The following KAZN variants were observed in gnomAD, a reference collection of about 807,000 sequenced individuals.
KAZN encodes the protein kazrin, periplakin interacting protein.
In KAZN, 40 loss-of-function variants were observed where a neutral mutation model predicts 87.4. The ratio of observed to expected loss-of-function variants is 0.46; its 90% CI spans 0.36 to 0.60. KAZN has a LOEUF of 0.60. Among genes scored for constraint, KAZN ranks in the 20% least tolerant of loss-of-function variants. The pLI is 0.00. For missense variants in KAZN, 898 were observed against 1,073.9 expected, an observed-to-expected ratio of 0.84 and a Z score of 2.29; for synonymous variants, 466 against 458.3, an observed-to-expected ratio of 1.02 and a Z score of -0.22.
At chr1:14,356,809 T>A (rs563579882) in intron 2 of KAZN, among the ~76,000 whole-genome samples, 1 of 152,322 alleles carries the variant, frequency 6.6e-6, no homozygotes, top group Non-Finnish European at 1.5e-5. Context: ...ACTGGTACCA[T>A]GCTGTTTTGG....
chr1:14,675,495 C>T (rs1173608464), intron 1 of KAZN, among the ~76,000 whole-genome samples: 1 of 152,176 alleles, frequency 6.6e-6, no homozygotes, highest in Non-Finnish European at 1.5e-5. Flanking sequence ...ATGCCTGTGT[C>T]CTCAGTGCCT....
In KAZN at chr1:15,077,648, G is replaced by A. The variant is rs1406977458; in HGVS notation, c.1222+11895G>A. 6.6e-6 allele frequency among the ~76,000 whole-genome samples: 1 copy of A among 152,226 alleles called. No individual in the cohort carries two copies. Among genetic ancestry groups the A allele is most frequent in the Non-Finnish European group, 1.5e-5 (1 of 68,040 alleles). On this transcript the variant is annotated intron_variant, in intron 8 of 14. Coordinates refer to ENST00000376030, the MANE Select transcript of KAZN (RefSeq NM_201628.3). This position sits in a 1 kb window ranked among gnomAD's most constrained non-coding sequence, Gnocchi z 4.8. Reference sequence around the variant, plus strand: ...TCACTACCGGAGTCTCTGGGACTCAGAGATGGGGGTTGGGGGTTTCACCTT... The same window carrying A: ...TCACTACCGGAGTCTCTGGGACTCAAAGATGGGGGTTGGGGGTTTCACCTT...
intron 2 of KAZN, among the ~76,000 whole-genome samples, chr1:15,022,631 T>C (rs1248862647): frequency 6.6e-6 from 1 of 152,098 alleles, no homozygotes; most frequent in Non-Finnish European, 1.5e-5. Context: ...GCTGGACTTG[T>C]GATCAGTTGC....
chr1:14,780,395 T>C (rs998112792), intron 1 of KAZN, among the ~76,000 whole-genome samples: 9 of 152,202 alleles, frequency 5.9e-5, no homozygotes, highest in African/African-American at 2.2e-4. Flanking sequence ...GTGGAGGAGC[T>C]AGTTTGTGGG....
chr1:14,186,756 A>G (rs1570966432), intron 2 of KAZN, among the ~76,000 whole-genome samples: 1 of 152,144 alleles, frequency 6.6e-6, no homozygotes, highest in East Asian at 1.9e-4. Context: ...GATGGAGGCA[A>G]TAATTAATTT....
rs1672087036 is a variant in KAZN, at chr1:15,034,771, C to T, written c.441C>T (p.Arg147=). Residue 147 remains arginine, a synonymous_variant, in exon 3 of 15, where the codon CGC becomes CGT. Transcript: ENST00000376030. ...CAGCCATGAAAGCTGATCGGAAGCG[C>T]TTAAAGGGCGAGAAGACAGACCTGG... ...ALQAMKADRK[R]LKGEKTDLVS... 2 of 1,614,164 alleles carry T rather than the reference C, an allele frequency of 1.2e-6. No homozygotes were observed. The highest frequency in any genetic ancestry group is 2.2e-5 in the East Asian group (1 of 44,886).
Position 14,831,339 on chromosome 1 carries a change from T to TCTGCTG in KAZN, c.227-129327_227-129322dup, listed in dbSNP as rs565802471. ...GAGAATTCCTGGCAATCCCAGTTCCTCTGCTGCTGCTGCTGCTGCTGCTTC... is the reference window on the plus strand; with the variant it reads ...GAGAATTCCTGGCAATCCCAGTTCCTCTGCTGCTGCTGCTGCTGCTGCTGCTGCTTC... On this transcript the variant is annotated intron_variant, in intron 1 of 14. Coordinates refer to ENST00000376030, the MANE Select transcript of KAZN (RefSeq NM_201628.3). Among the ~76,000 whole-genome samples the TCTGCTG allele has an allele frequency of 3.5e-3, 528 of 152,188 alleles. 4 individuals carry two copies. The highest frequency in any genetic ancestry group is 0.021 in the South Asian group (99 of 4,816).
intron 2 of KAZN, among the ~76,000 whole-genome samples, chr1:14,335,328 G>A (rs976503217): frequency 8.6e-5 from 13 of 151,366 alleles, no homozygotes; most frequent in Non-Finnish European, 1.9e-4. Context: ...TCAGCCTCCC[G>A]AGTAGCTGGG....
intron 1 of KAZN, among the ~76,000 whole-genome samples, chr1:13,987,075 A>G (rs929015128): frequency 6.6e-6 from 1 of 152,258 alleles, no homozygotes; most frequent in Middle Eastern, 3.4e-3. Context: ...CTGTTGTGGG[A>G]TTTATCTGAC....
At chr1:14,559,819 C>T (rs777197417) in intron 2 of KAZN, among the ~76,000 whole-genome samples, 3 of 152,156 alleles carry the variant, frequency 2.0e-5, no homozygotes, top group Non-Finnish European at 4.4e-5. Flanking sequence ...CCTTGTGTGA[C>T]CTTGATGAAG....
At chr1:14,777,168 T>TTTG (rs1557479350) in intron 1 of KAZN, among the ~76,000 whole-genome samples, 1 of 150,480 alleles carries the variant, frequency 6.6e-6, no homozygotes, top group Non-Finnish European at 1.5e-5. Context: ...TTTTTTTTTT[T>TTTG]TGTATTTTTA....
Position 14,521,726 on chromosome 1 carries a change from CTCTTT to C in KAZN, c.250-77251_250-77247del, listed in dbSNP as rs370159816. Among the ~76,000 whole-genome samples, 393 of 152,264 alleles carry C rather than the reference CTCTTT, an allele frequency of 2.6e-3. 1 individual carries two copies. The highest frequency in any genetic ancestry group is 7.8e-3 in the African/African-American group (325 of 41,554). On this transcript the variant is annotated intron_variant, in intron 2 of 16. Transcript: ENST00000636203. ...TGCCCTCATCCTGTTTTAGAATCGT[CTCTTT>C]TCTTTGAAAACTGGGGAAAGGGAGG...
At chr1:14,213,793 T>C (rs1646904122) in intron 2 of KAZN, among the ~76,000 whole-genome samples, 1 of 152,178 alleles carries the variant, frequency 6.6e-6, no homozygotes, top group Admixed American at 6.5e-5. Context: ...GGGGGTCTAG[T>C]TATGAGGCTA....
At chr1:14,888,241 CCT>C (rs1654316359) in intron 1 of KAZN, among the ~76,000 whole-genome samples, 2 of 152,326 alleles carry the variant, frequency 1.3e-5, no homozygotes, top group Admixed American at 1.3e-4. Flanking sequence ...CGGCCTCCTT[CCT>C]CTCTCATCAG....
intron 1 of KAZN, among the ~76,000 whole-genome samples, chr1:14,713,161 TCTC>T (rs1642578979): frequency 6.6e-6 from 1 of 152,168 alleles, no homozygotes; most frequent in South Asian, 2.1e-4. Flanking sequence ...TCTGTGTGTC[TCTC>T]CTCCTTCATT....
chr1:14,420,452 G>T (rs1296329373), intron 2 of KAZN, among the ~76,000 whole-genome samples: 1 of 152,074 alleles, frequency 6.6e-6, no homozygotes, highest in African/African-American at 2.4e-5. Flanking sequence ...CCGGAGCCAC[G>T]GGGGGAGCTG....
intron 2 of KAZN, among the ~76,000 whole-genome samples, chr1:14,342,640 G>A (rs999316460): frequency 1.9e-4 from 29 of 152,286 alleles, no homozygotes; most frequent in African/African-American, 6.0e-4. Flanking sequence ...AAAAAATGCC[G>A]CCTGCAATAG....
At chr1:14,692,492 C>A (rs1276757733) in intron 1 of KAZN, 1 of 197,088 alleles carries the variant, frequency 5.1e-6, no homozygotes, top group African/African-American at 2.3e-5. Context: ...GCACTTCCAG[C>A]ATCACTAGTG....
intron 1 of KAZN, among the ~76,000 whole-genome samples, chr1:13,899,644 C>CTTTTTTT (rs35127542): frequency 7.3e-6 from 1 of 136,992 alleles, no homozygotes; most frequent in Non-Finnish European, 1.6e-5. Flanking sequence ...CTTGGTTGTC[C>CTTTTTTT]TTTTTTTTTT....
Sources: gnomAD v4.1 joint callset for allele counts (sites outside exome capture counted in the v4.1 genomes callset) on GRCh38, gnomAD v4.1.1 for gene constraint, Gnocchi (gnomAD v3.1) non-coding constraint, MANE v1.5 for transcripts, NCBI Gene and HGNC (gene_info 2026-07-23, HGNC 2026-07-21) for gene names.